Variants in SH3RF2 observed in about 807,000 individuals in gnomAD.
The protein encoded by SH3RF2 is SH3 domain containing ring finger 2.
A neutral mutation model predicts 59.0 loss-of-function variants in SH3RF2; 43 were observed. That is an observed-to-expected ratio of 0.73 (90% CI 0.57 to 0.94). The LOEUF is 0.94. SH3RF2 is among the 40% of genes least tolerant of loss of function. The pLI is 0.00. For synonymous variants in SH3RF2, 391 were observed against 391.5 expected, an observed-to-expected ratio of 1.00 and a Z score of 0.01; for missense variants, 930 against 940.1, an observed-to-expected ratio of 0.99 and a Z score of 0.14.
chr5:146,042,400 G>T (rs1372780140), intron 5 of SH3RF2, among the ~76,000 whole-genome samples: 1 of 152,146 alleles, frequency 6.6e-6, no homozygotes, highest in African/African-American at 2.4e-5. Context: ...CAAACCCTGT[G>T]CTAAATAGTT....
chr5:145,955,559 G>A (rs1255760797), intron 2 of SH3RF2, among the ~76,000 whole-genome samples: 1 of 152,088 alleles, frequency 6.6e-6, no homozygotes, highest in African/African-American at 2.4e-5. Flanking sequence ...TAAAATAAAA[G>A]TTGAAGAGAA....
rs1208280626 is a variant in SH3RF2, at chr5:146,059,980, A to G, written c.1670A>G (p.Gln557Arg). The change falls in exon 9 of 10, where the codon CAG becomes CGG. Residue 557 changes from glutamine (Q) to arginine (R), a missense_variant. Gln to Arg is a conservative substitution (Grantham distance 43). Coordinates refer to ENST00000359120, the MANE Select transcript of SH3RF2 (RefSeq NM_152550.4). ...CAGCAGTTCCAATTCTACCAGCCAC[A>G]GGGGATCCCCTCCTCCCCCTCAGCC... ...RPQQFQFYQP[Q>R]GIPSSPSAVV... The G allele has an allele frequency of 4.4e-6, 7 of 1,582,366 alleles. No homozygotes were observed. The highest frequency in any genetic ancestry group is 6.0e-6 in the Non-Finnish European group (7 of 1,163,306).
intron 5 of SH3RF2, among the ~76,000 whole-genome samples, chr5:146,017,105 G>A (rs1261085571): frequency 6.6e-6 from 1 of 152,154 alleles, no homozygotes; most frequent in Non-Finnish European, 1.5e-5. Flanking sequence ...TTCTACCTGT[G>A]GGAAACCACT....
At chr5:145,967,248 G>T (rs1030675269) in intron 2 of SH3RF2, among the ~76,000 whole-genome samples, 5 of 152,028 alleles carry the variant, frequency 3.3e-5, no homozygotes, top group African/African-American at 1.2e-4. Context: ...AAATGTTTAA[G>T]TAAACTCTCT....
Position 145,956,692 on chromosome 5 carries a change from A to T in SH3RF2, c.378+18386A>T, listed in dbSNP as rs181379738. Among the ~76,000 whole-genome samples, 394 of 152,310 alleles carry T rather than the reference A, an allele frequency of 2.6e-3. 2 individuals are homozygous for T. Among genetic ancestry groups the T allele is most frequent in the African/African-American group, 8.9e-3 (370 of 41,550 alleles). ...AAATTAAAAGGAAAGAAGTGATGGG[A>T]ATAATCCATAAAAAGCTTGTAGAAG... On this transcript the variant is annotated intron_variant, in intron 2 of 9. Transcript: ENST00000359120.
Position 146,060,932 on chromosome 5 carries a change from G to A in SH3RF2, c.1914+708G>A, listed in dbSNP as rs146712214. ...AAGCAGGAGGAATAGTGGGAAGAGA[G>A]GACAGTAAGAAAGTTAGGTGATGCT... On this transcript the variant is annotated intron_variant, in intron 9 of 9. Coordinates refer to ENST00000359120, the MANE Select transcript of SH3RF2 (RefSeq NM_152550.4). Among the ~76,000 whole-genome samples, 216 of 152,300 alleles carry A rather than the reference G, an allele frequency of 1.4e-3. 1 individual carries two copies. The highest frequency in any genetic ancestry group is 4.8e-3 in the African/African-American group (201 of 41,558).
At position 146,040,277 on chromosome 5, in the gene SH3RF2, T is replaced by C. The variant is rs1251191608; in HGVS notation, c.1060-7495T>C. On this transcript the variant is annotated intron_variant, in intron 5 of 9. Coordinates refer to ENST00000359120, the MANE Select transcript of SH3RF2 (RefSeq NM_152550.4). Reference sequence around the variant, plus strand: ...GTGGTATGTATGCAGGTATCTGTTATATTATTATTCTTTAAATGACACACA... The same window carrying C: ...GTGGTATGTATGCAGGTATCTGTTACATTATTATTCTTTAAATGACACACA... Among the ~76,000 whole-genome samples, 8 of 152,364 alleles carry C rather than the reference T, an allele frequency of 5.3e-5. No individual in the cohort carries two copies. In the East Asian group the frequency reaches 1.3e-3, roughly 26 times the overall value.
chr5:146,029,861 A>T (rs1761680743), intron 5 of SH3RF2, among the ~76,000 whole-genome samples: 1 of 152,216 alleles, frequency 6.6e-6, no homozygotes, highest in African/African-American at 2.4e-5. Flanking sequence ...AAAGAAAAAA[A>T]CCATTTATTG....
chr5:145,942,590 T>C (rs982260090), intron 2 of SH3RF2, among the ~76,000 whole-genome samples: 2 of 152,184 alleles, frequency 1.3e-5, no homozygotes, highest in Non-Finnish European at 2.9e-5. Flanking sequence ...ATACAGACAG[T>C]GGGGTTTTTG....
chr5:146,064,709 A>G (rs1489940656), downstream of SH3RF2, among the ~76,000 whole-genome samples: 10 of 28,202 alleles, frequency 3.5e-4, 1 homozygote, highest in Admixed American at 1.1e-3. Context: ...AAAGAAAGAA[A>G]GAAAGAAAGA....
intron 2 of SH3RF2, among the ~76,000 whole-genome samples, chr5:145,983,941 A>T (rs565507505): frequency 1.3e-5 from 2 of 152,186 alleles, no homozygotes; most frequent in African/African-American, 2.4e-5. Flanking sequence ...ATACTCCCCA[A>T]TCTTGGGGAA....
At chr5:145,995,830 C>A (rs1193186209) in intron 2 of SH3RF2, among the ~76,000 whole-genome samples, 28 of 152,148 alleles carry the variant, frequency 1.8e-4, no homozygotes, top group Admixed American at 1.8e-3. Flanking sequence ...TTCTTAACCT[C>A]TTCTGTTACA....
chr5:146,064,850 AAG>A (rs1763058801), downstream of SH3RF2, among the ~76,000 whole-genome samples: 4 of 21,628 alleles, frequency 1.8e-4, no homozygotes, highest in Non-Finnish European at 1.0e-3. Flanking sequence ...GAAAGAAAGA[AAG>A]AAAGAAAGAA....
chr5:146,061,834 T>A (rs1388028389), intron 9 of SH3RF2, among the ~76,000 whole-genome samples: 2 of 152,158 alleles, frequency 1.3e-5, no homozygotes, highest in Non-Finnish European at 2.9e-5. Context: ...ATTTTTTTTT[T>A]AAGAGACATA....
At chr5:145,972,026 A>C (rs1759103722) in intron 2 of SH3RF2, among the ~76,000 whole-genome samples, 1 of 152,146 alleles carries the variant, frequency 6.6e-6, no homozygotes, top group South Asian at 2.1e-4. Flanking sequence ...CAAAGAAGAG[A>C]CTGGGCCAAG....
chr5:145,981,199 A>T (rs1228342060), intron 2 of SH3RF2, among the ~76,000 whole-genome samples: 1 of 151,908 alleles, frequency 6.6e-6, no homozygotes, highest in Admixed American at 6.6e-5. Flanking sequence ...AGCTCAGGTG[A>T]TCCTCCCACC....
At position 146,074,577 on chromosome 5, in the gene SH3RF2, TAAA is replaced by T. The variant is rs57550178; in HGVS notation, c.*34-3875_*34-3873del. ...AGCAAACAATAAGCAAACTGACATC[TAAA>T]AAAAAAACAAAACAAAACAAAACAA... On this transcript the variant is annotated intron_variant, in intron 9 of 9. Coordinates refer to the SH3RF2 transcript ENST00000511217. Among the ~76,000 whole-genome samples the T allele has an allele frequency of 4.5e-3, 672 of 148,020 alleles. 3 individuals are homozygous for T. Among genetic ancestry groups the T allele is most frequent in the African/African-American group, 0.016 (649 of 40,172 alleles).
intron 5 of SH3RF2, among the ~76,000 whole-genome samples, chr5:146,046,375 CTACA>C (rs2150013330): frequency 6.6e-6 from 1 of 152,170 alleles, no homozygotes; most frequent in Admixed American, 6.5e-5. Flanking sequence ...ACACTCATAC[CTACA>C]TAAACACAAA....
downstream of SH3RF2, among the ~76,000 whole-genome samples, chr5:146,067,161 G>T (rs1192108268): frequency 6.6e-6 from 1 of 152,118 alleles, no homozygotes; most frequent in Non-Finnish European, 1.5e-5. Context: ...AGAGTTTAAA[G>T]CAGCGCCCCT....
Sources: allele counts gnomAD v4.1 joint callset (sites outside exome capture counted in the v4.1 genomes callset), GRCh38; gene constraint gnomAD v4.1.1; transcripts MANE v1.5; gene names NCBI Gene and HGNC (gene_info 2026-07-23, HGNC 2026-07-21).